The following THEMIS variants were observed in gnomAD, a reference collection of about 807,000 sequenced individuals.
THEMIS encodes the protein thymocyte selection associated, also known as protein THEMIS.
A neutral mutation model predicts 52.6 loss-of-function variants in THEMIS; 37 were observed. The observed-to-expected ratio is 0.70, with a 90% CI of 0.54 to 0.93. THEMIS has a LOEUF of 0.93. THEMIS is among the 40% of genes least tolerant of loss of function. The pLI is 0.00. For synonymous variants in THEMIS, 292 were observed against 272.7 expected, an observed-to-expected ratio of 1.07 and a Z score of -0.70; for missense variants, 808 against 763.1, an observed-to-expected ratio of 1.06 and a Z score of -0.69.
Position 127,916,202 on chromosome 6 carries a change from TG to T in THEMIS, c.-150+2225del, listed in dbSNP as rs545354328. Among the ~76,000 whole-genome samples the T allele has an allele frequency of 2.0e-3, 306 of 151,450 alleles. 2 individuals are homozygous for T. Among genetic ancestry groups the T allele is most frequent in the African/African-American group, 6.4e-3 (264 of 41,388 alleles). ...TTTATATTATAATTAAATATATCTATGAAAAAAATAAACCTAGGGAATGAGT... is the reference window on the plus strand; with the variant it reads ...TTTATATTATAATTAAATATATCTATAAAAAAATAAACCTAGGGAATGAGT... On this transcript the variant is annotated intron_variant, in intron 1 of 6. Coordinates refer to the THEMIS transcript ENST00000368250.
chr6:127,841,797 C>T (rs1419073392), intron 2 of THEMIS, among the ~76,000 whole-genome samples: 1 of 151,930 alleles, frequency 6.6e-6, no homozygotes, highest in East Asian at 1.9e-4. Flanking sequence ...GATTAATTCA[C>T]ATTTTCTTGC....
chr6:127,877,997 G>C (rs1780366033), intron 1 of THEMIS, among the ~76,000 whole-genome samples: 1 of 152,156 alleles, frequency 6.6e-6, no homozygotes. Context: ...ATAAAACCCA[G>C]GGTGGCTACA....
At chr6:127,823,364 T>A (rs1053747524) in intron 3 of THEMIS, among the ~76,000 whole-genome samples, 1 of 152,162 alleles carries the variant, frequency 6.6e-6, no homozygotes, top group Admixed American at 6.5e-5. Context: ...AAGTTCATAT[T>A]TTCCTTAGCT....
intron 3 of THEMIS, among the ~76,000 whole-genome samples, chr6:127,814,521 T>C (rs987640583): frequency 6.6e-6 from 1 of 152,174 alleles, no homozygotes; most frequent in Non-Finnish European, 1.5e-5. Context: ...GAGATTAATA[T>C]GCGAAAATAA....
At chr6:127,828,912 C>CA (rs1778598793) in intron 3 of THEMIS, among the ~76,000 whole-genome samples, 2 of 151,990 alleles carry the variant, frequency 1.3e-5, no homozygotes, top group East Asian at 1.9e-4. Flanking sequence ...TGTCTCAAAA[C>CA]AAAAAAACAA....
chr6:127,717,475 T>C (rs1052624670), intron 5 of THEMIS, among the ~76,000 whole-genome samples: 8 of 151,864 alleles, frequency 5.3e-5, no homozygotes, highest in African/African-American at 1.9e-4. Flanking sequence ...TGGGCATCAC[T>C]AAGCAACAAG....
chr6:127,807,581 G>A (rs1466535977), intron 4 of THEMIS, among the ~76,000 whole-genome samples: 2 of 152,058 alleles, frequency 1.3e-5, no homozygotes, highest in African/African-American at 4.8e-5. Context: ...CTCTCTAACA[G>A]TAATCTTCCC....
chr6:127,906,816 C>A (rs1206325789), intron 1 of THEMIS, among the ~76,000 whole-genome samples: 1 of 151,608 alleles, frequency 6.6e-6, no homozygotes, highest in East Asian at 1.9e-4. Flanking sequence ...ATTTCTATCC[C>A]AAGAGAAGTA....
chr6:127,772,912 T>C (rs1360434511), intron 4 of THEMIS, among the ~76,000 whole-genome samples: 1 of 152,184 alleles, frequency 6.6e-6, no homozygotes, highest in African/African-American at 2.4e-5. Flanking sequence ...ATTTGTTTAT[T>C]AGACTTCTCT....
chr6:127,736,485 A>G (rs1775009669), intron 4 of THEMIS, among the ~76,000 whole-genome samples: 1 of 152,152 alleles, frequency 6.6e-6, no homozygotes. Context: ...ATGGTTTTCT[A>G]ACACCCAGAT....
intron 5 of THEMIS, among the ~76,000 whole-genome samples, chr6:127,713,071 C>T (rs1774037099): frequency 6.6e-6 from 1 of 151,854 alleles, no homozygotes; most frequent in Non-Finnish European, 1.5e-5. Flanking sequence ...CCATCTACCT[C>T]TTTTAGGATG....
intron 1 of THEMIS, among the ~76,000 whole-genome samples, chr6:127,899,486 A>G (rs1050568953): frequency 2.0e-5 from 3 of 151,906 alleles, no homozygotes; most frequent in Non-Finnish European, 4.4e-5. Flanking sequence ...TGAAGGAGGC[A>G]ACAAAAATCA....
upstream of THEMIS, among the ~76,000 whole-genome samples, chr6:127,903,967 T>C (rs888093416): frequency 6.6e-6 from 1 of 152,098 alleles, no homozygotes; most frequent in African/African-American, 2.4e-5. Flanking sequence ...GCCAAGATCC[T>C]GTAAAGCAGA....
rs758476623 is a variant in THEMIS, at chr6:127,900,876, C to T, written c.57G>A (p.Arg19=). 1 of 1,613,128 alleles carries T rather than the reference C, an allele frequency of 6.2e-7. No individual in the cohort carries two copies. Among genetic ancestry groups the T allele is most frequent in the Admixed American group, 1.7e-5 (1 of 59,894 alleles). Residue 19 remains arginine, a synonymous_variant, in exon 1 of 6, where the codon AGG becomes AGA. Coordinates refer to ENST00000368248, the MANE Select transcript of THEMIS (RefSeq NM_001010923.3). ...AGATGCCTGCCTGGATTTCTAGAAC[C>T]CTGGGTAGGGTCCTGAGGTCAAGGG... ...VHSLDLRTLP[R]VLEIQAGIYL... is the part of the protein sequence containing the mutation.
chr6:127,814,410 A>G (rs1583308198), intron 3 of THEMIS, among the ~76,000 whole-genome samples: 1 of 152,342 alleles, frequency 6.6e-6, no homozygotes, highest in Non-Finnish European at 1.5e-5. Flanking sequence ...TTATATATCA[A>G]ATTATCATAG....
At chr6:127,763,489 A>G (rs1776090747) in intron 4 of THEMIS, among the ~76,000 whole-genome samples, 1 of 151,950 alleles carries the variant, frequency 6.6e-6, no homozygotes, top group South Asian at 2.1e-4. Context: ...AGTAGGTTAT[A>G]ATTAGAAGTG....
chr6:127,782,687 C>T (rs1047853728), intron 4 of THEMIS, among the ~76,000 whole-genome samples: 2 of 152,114 alleles, frequency 1.3e-5, no homozygotes, highest in Non-Finnish European at 2.9e-5. Context: ...ATACAGAAAT[C>T]ACCCACCTTC....
At chr6:127,904,326 G>A (rs1347953866), upstream of THEMIS, among the ~76,000 whole-genome samples, 1 of 152,068 alleles carries the variant, frequency 6.6e-6, no homozygotes, top group African/African-American at 2.4e-5. Flanking sequence ...GCTTTCAGCA[G>A]TCTTGCAGAA....
intron 3 of THEMIS, among the ~76,000 whole-genome samples, chr6:127,825,375 T>C (rs1778472668): frequency 6.6e-6 from 1 of 152,164 alleles, no homozygotes; most frequent in East Asian, 1.9e-4. Context: ...GTATAATCTC[T>C]CCAAGACGAT....
Sources: gnomAD v4.1 joint callset for allele counts (sites outside exome capture counted in the v4.1 genomes callset) on GRCh38, gnomAD v4.1.1 for gene constraint, MANE v1.5 for transcripts, NCBI Gene and HGNC (gene_info 2026-07-23, HGNC 2026-07-21) for gene names.